Variants in CDH12 observed in about 807,000 individuals in gnomAD.
CDH12 encodes cadherin-12.
A neutral mutation model predicts 74.1 loss-of-function variants in CDH12; 41 were observed. The ratio of observed to expected loss-of-function variants is 0.55; its 90% CI spans 0.43 to 0.72. The LOEUF (loss-of-function observed/expected upper bound fraction) is 0.72, where lower values mean the gene tolerates loss of function less well. CDH12 is among the 30% of genes least tolerant of loss of function. The pLI is 0.00. For missense variants in CDH12, 945 were observed against 977.2 expected (o/e 0.97, Z 0.44); for synonymous variants, 399 against 355.0 (o/e 1.12, Z -1.39).
chr5:22,157,511 C>T (rs1009267624), intron 4 of CDH12, among the ~76,000 whole-genome samples: 11 of 151,872 alleles, frequency 7.2e-5, no homozygotes, highest in Non-Finnish European at 1.3e-4. Flanking sequence ...AATATGATCT[C>T]AAGATGGATA....
intron 6 of CDH12, among the ~76,000 whole-genome samples, chr5:21,878,574 C>CAAAAAAAAAAA (rs55681202): frequency 2.5e-4 from 30 of 119,364 alleles, no homozygotes; most frequent in East Asian, 4.9e-4. Context: ...ACCAAAAATA[C>CAAAAAAAAAAA]AAAAAAAAAA....
intron 2 of CDH12, among the ~76,000 whole-genome samples, chr5:22,455,188 A>G (rs1377740744): frequency 1.3e-5 from 2 of 152,230 alleles, no homozygotes; most frequent in African/African-American, 4.8e-5. Flanking sequence ...CAGAAAGTCT[A>G]GTAATATCGT....
chr5:22,032,296 C>A (rs980761352), intron 5 of CDH12, among the ~76,000 whole-genome samples: 1 of 152,044 alleles, frequency 6.6e-6, no homozygotes, highest in Non-Finnish European at 1.5e-5. Context: ...GATGGTATTA[C>A]TACAGCAAAT....
chr5:22,303,389 C>T (rs925829717), intron 3 of CDH12, among the ~76,000 whole-genome samples: 1 of 151,794 alleles, frequency 6.6e-6, no homozygotes, highest in Non-Finnish European at 1.5e-5. Flanking sequence ...AAACAACAAA[C>T]AAAACACTTG....
At chr5:22,726,435 T>G (rs1744167390) in intron 1 of CDH12, among the ~76,000 whole-genome samples, 1 of 151,794 alleles carries the variant, frequency 6.6e-6, no homozygotes, top group African/African-American at 2.4e-5. Flanking sequence ...ATCTATTCAT[T>G]CACCTACTGA....
chr5:22,533,515 G>A (rs1443750240), intron 1 of CDH12, among the ~76,000 whole-genome samples: 1 of 152,178 alleles, frequency 6.6e-6, no homozygotes, highest in Non-Finnish European at 1.5e-5. Flanking sequence ...AATCTATCAG[G>A]AACCTCATTT....
chr5:22,334,755 C>T (rs1012325654), intron 3 of CDH12, among the ~76,000 whole-genome samples: 6 of 152,156 alleles, frequency 3.9e-5, no homozygotes, highest in African/African-American at 1.4e-4. Context: ...GGGGAAAACA[C>T]AGTCTCTTCA....
chr5:22,791,339 G>C (rs1747894572), intron 1 of CDH12, among the ~76,000 whole-genome samples: 1 of 152,076 alleles, frequency 6.6e-6, no homozygotes. Flanking sequence ...AGTTTTCGCA[G>C]ATATAAAACA....
intron 5 of CDH12, among the ~76,000 whole-genome samples, chr5:22,000,037 G>C (rs1213340199): frequency 1.3e-5 from 2 of 151,888 alleles, no homozygotes; most frequent in Admixed American, 6.6e-5. Context: ...ATGGTTGTTT[G>C]AGCCGATCTG....
At chr5:22,256,060 C>T (rs898329095) in intron 3 of CDH12, among the ~76,000 whole-genome samples, 2 of 152,022 alleles carry the variant, frequency 1.3e-5, no homozygotes, top group African/African-American at 4.8e-5. Flanking sequence ...ATTGCATCAA[C>T]ATATATATGA....
At chr5:22,708,843 G>T (rs1459449905) in intron 1 of CDH12, among the ~76,000 whole-genome samples, 1 of 152,042 alleles carries the variant, frequency 6.6e-6, no homozygotes, top group Non-Finnish European at 1.5e-5. Flanking sequence ...TCAGAGAATC[G>T]CAAAAGCACT....
At chr5:22,259,163 A>T (rs574467241) in intron 3 of CDH12, among the ~76,000 whole-genome samples, 4 of 152,168 alleles carry the variant, frequency 2.6e-5, no homozygotes, top group Non-Finnish European at 4.4e-5. Context: ...TAATAAATTG[A>T]CAATGAAAAC....
chr5:22,184,410 G>A (rs1354950751), intron 4 of CDH12, among the ~76,000 whole-genome samples: 1 of 152,056 alleles, frequency 6.6e-6, no homozygotes, highest in African/African-American at 2.4e-5. Flanking sequence ...GCAAAGTTAA[G>A]GCAAAAGATA....
intron 6 of CDH12, among the ~76,000 whole-genome samples, chr5:21,905,644 T>G (rs2150058377): frequency 6.6e-6 from 1 of 152,316 alleles, no homozygotes; most frequent in East Asian, 1.9e-4. Flanking sequence ...AGTCTGTGTT[T>G]TTTGTTTTCC....
chr5:22,795,804 C>T (rs1037975463), intron 1 of CDH12, among the ~76,000 whole-genome samples: 1 of 151,440 alleles, frequency 6.6e-6, no homozygotes, highest in African/African-American at 2.4e-5. Context: ...AATTATGATA[C>T]CAAAATTGGT....
chr5:21,826,749 A>G lies in CDH12; in HGVS notation c.815-9617T>C, dbSNP rs1032374746. ...TCTTTAAGAGGAATAGACACTTAGT[A>G]ACAGCAACCACTTATATAGTGCTTT... is the stretch of plus-strand genomic sequence containing the variant. On this transcript the variant is annotated intron_variant, in intron 8 of 14. Transcript: ENST00000382254. Among the ~76,000 whole-genome samples the G allele has an allele frequency of 2.0e-5, 3 of 152,182 alleles. No homozygotes were observed. In the East Asian group the frequency reaches 5.8e-4, roughly 29 times the overall value.
At chr5:22,010,122 C>G (rs1737217359) in intron 5 of CDH12, among the ~76,000 whole-genome samples, 1 of 151,914 alleles carries the variant, frequency 6.6e-6, no homozygotes, top group South Asian at 2.1e-4. Flanking sequence ...AATTTATATA[C>G]TAAGTTATTT....
intron 3 of CDH12, among the ~76,000 whole-genome samples, chr5:22,340,888 G>A (rs1739819766): frequency 1.3e-5 from 2 of 152,098 alleles, no homozygotes; most frequent in African/African-American, 4.8e-5. Context: ...CCTTTTCAAA[G>A]AAAAGGAATT....
intron 3 of CDH12, among the ~76,000 whole-genome samples, chr5:22,351,466 C>T (rs961086428): frequency 5.3e-5 from 8 of 151,914 alleles, no homozygotes; most frequent in Non-Finnish European, 1.2e-4. Context: ...TGCCTCAGGC[C>T]CATTAATTAT....
Sources: gnomAD v4.1 joint callset for allele counts (sites outside exome capture counted in the v4.1 genomes callset) on GRCh38, gnomAD v4.1.1 for gene constraint, MANE v1.5 for transcripts, NCBI Gene and HGNC (gene_info 2026-07-23, HGNC 2026-07-21) for gene names.